HRH2: variants seen among roughly 807,000 people sequenced by gnomAD.
The protein encoded by HRH2 is histamine H2 receptor.
HRH2 carries 4 observed loss-of-function variants against 20.1 expected under a neutral mutation model. That is an observed-to-expected ratio of 0.20 (90% CI 0.10 to 0.45). The LOEUF (loss-of-function observed/expected upper bound fraction) is 0.45. HRH2 is among the 20% of genes least tolerant of loss of function. HRH2 has a pLI of 0.99. For synonymous variants in HRH2, 197 were observed against 200.7 expected, an observed-to-expected ratio of 0.98 and a Z score of 0.16; for missense variants, 250 against 461.6, an observed-to-expected ratio of 0.54 and a Z score of 4.20.
At chr5:175,703,248 A>C (rs1756847138) in intron 2 of HRH2, among the ~76,000 whole-genome samples, 2 of 152,238 alleles carry the variant, frequency 1.3e-5, no homozygotes, top group Non-Finnish European at 2.9e-5. Context: ...TGCTTCATAC[A>C]GAACAATTAT....
chr5:175,706,148 A>T (rs1756937157), intron 2 of HRH2, among the ~76,000 whole-genome samples: 4 of 152,254 alleles, frequency 2.6e-5, no homozygotes, highest in Non-Finnish European at 5.9e-5. Context: ...GTTTAGGGAT[A>T]CAGAAATATT....
At chr5:175,705,172 TA>T (rs553960557) in intron 2 of HRH2, among the ~76,000 whole-genome samples, 91 of 152,324 alleles carry the variant, frequency 6.0e-4, no homozygotes, top group African/African-American at 2.1e-3. Flanking sequence ...AGTGTTCTCA[TA>T]GAAATGGACA....
chr5:175,700,073 G>A (rs1321187599), intron 2 of HRH2, among the ~76,000 whole-genome samples: 1 of 152,210 alleles, frequency 6.6e-6, no homozygotes, highest in Admixed American at 6.5e-5. Flanking sequence ...AGCAGGGGAT[G>A]AGGAAGGCTC....
In HRH2 at chr5:175,687,917, T is replaced by G. The variant is rs114089076; in HGVS notation, c.1076+3608T>G. On this transcript the variant is annotated intron_variant, in intron 2 of 2. Coordinates refer to ENST00000636584, the MANE Select transcript of HRH2 (RefSeq NM_001367711.1). The surrounding 1 kb of genome is among the most constrained non-coding windows in gnomAD (Gnocchi z 5.2). The stretch of plus-strand genomic sequence containing the variant: ...TAGTGGCCAAACACAACACACGTTA[T>G]TCCGTTGCAGTTCAGGAGGCCAGAT... Among the ~76,000 whole-genome samples the G allele has an allele frequency of 0.015, 2,274 of 152,320 alleles. 59 individuals carry two copies. The highest frequency in any genetic ancestry group is 0.052 in the African/African-American group (2,167 of 41,574).
At chr5:175,692,156 GC>G (rs1756404879) in intron 2 of HRH2, among the ~76,000 whole-genome samples, 1 of 152,236 alleles carries the variant, frequency 6.6e-6, no homozygotes, top group Non-Finnish European at 1.5e-5. Context: ...AGGCTGTGCA[GC>G]CCATTCAATC....
At chr5:175,701,214 C>A (rs1488902113) in intron 2 of HRH2, among the ~76,000 whole-genome samples, 1 of 152,180 alleles carries the variant, frequency 6.6e-6, no homozygotes, top group African/African-American at 2.4e-5. Flanking sequence ...TGGGTCCTGT[C>A]CCCTGGTGGC....
At chr5:175,690,594 A>G (rs1018910921) in intron 2 of HRH2, among the ~76,000 whole-genome samples, 4 of 151,996 alleles carry the variant, frequency 2.6e-5, no homozygotes, top group Non-Finnish European at 5.9e-5. Context: ...TAACAGTTTT[A>G]TCAAGCTACA....
intron 1 of HRH2, among the ~76,000 whole-genome samples, chr5:175,659,084 C>T (rs1324557914): frequency 1.3e-5 from 2 of 152,080 alleles, no homozygotes; most frequent in Non-Finnish European, 2.9e-5. Flanking sequence ...GAGGGTCAAT[C>T]GGTGAAGCTG....
intron 2 of HRH2, among the ~76,000 whole-genome samples, chr5:175,706,903 G>A (rs1257438472): frequency 6.6e-6 from 1 of 152,176 alleles, no homozygotes; most frequent in African/African-American, 2.4e-5. Flanking sequence ...GGAGCAGTAC[G>A]CTTGATTCCC....
intron 1 of HRH2, among the ~76,000 whole-genome samples, chr5:175,666,721 C>T (rs1299519278): frequency 6.6e-6 from 1 of 152,184 alleles, no homozygotes; most frequent in African/African-American, 2.4e-5. Context: ...TGAGCCACTG[C>T]GCCCGGCCTC....
At chr5:175,666,425 A>G (rs1167740570) in intron 1 of HRH2, among the ~76,000 whole-genome samples, 1 of 152,048 alleles carries the variant, frequency 6.6e-6, no homozygotes, top group African/African-American at 2.4e-5. Flanking sequence ...ACTCAGGCGC[A>G]GATTCCTTTT....
chr5:175,698,588 C>T (rs1291123383), intron 2 of HRH2, among the ~76,000 whole-genome samples: 1 of 152,222 alleles, frequency 6.6e-6, no homozygotes, highest in Non-Finnish European at 1.5e-5. Context: ...ATTCATTCAC[C>T]AGCAAATCCA....
chr5:175,701,356 G>T (rs955499504), intron 2 of HRH2, among the ~76,000 whole-genome samples: 1 of 152,216 alleles, frequency 6.6e-6, no homozygotes, highest in African/African-American at 2.4e-5. Flanking sequence ...GATGGGGTTT[G>T]GGAGATAGGT....
chr5:175,694,716 C>G (rs76399434), intron 2 of HRH2, among the ~76,000 whole-genome samples: 3 of 152,176 alleles, frequency 2.0e-5, no homozygotes, highest in African/African-American at 7.2e-5. Flanking sequence ...TCTGAGACAG[C>G]CTTGTTCTGA....
chr5:175,667,017 C>CATAT (rs143167989), intron 1 of HRH2, among the ~76,000 whole-genome samples: 19 of 150,400 alleles, frequency 1.3e-4, no homozygotes, highest in African/African-American at 3.9e-4. Flanking sequence ...CAAATAAAGG[C>CATAT]ATATATATAT....
chr5:175,682,234 T>A (rs960499798), intron 1 of HRH2, among the ~76,000 whole-genome samples: 1 of 152,238 alleles, frequency 6.6e-6, no homozygotes, highest in Non-Finnish European at 1.5e-5. Context: ...CCTTAGAGTA[T>A]GATGACATTT....
chr5:175,685,383 T>G (rs1327835138), intron 2 of HRH2: 4 of 1,541,608 alleles, frequency 2.6e-6, no homozygotes, highest in Non-Finnish European at 3.5e-6. Flanking sequence ...GCTCAATAAA[T>G]GTTGCTTTCC....
Position 175,663,392 on chromosome 5 carries a change from T to C in HRH2, c.-526+5237T>C, listed in dbSNP as rs182139035. On this transcript the variant is annotated intron_variant, in intron 1 of 2. Transcript: ENST00000636584. ...CGTGTCATTGTGGTTTCGGTTTACA[T>C]TTCCCTGAGGGCTAATGACTTTGAG... 6.6e-5 allele frequency among the ~76,000 whole-genome samples: 10 copies of C among 152,338 alleles called. No homozygotes were observed. The East Asian group carries it at 1.9e-3, about 29-fold the overall frequency.
At chr5:175,707,147 A>G (rs1270083949) in intron 2 of HRH2, among the ~76,000 whole-genome samples, 1 of 152,192 alleles carries the variant, frequency 6.6e-6, no homozygotes, top group Non-Finnish European at 1.5e-5. Context: ...TGAGGGCTGC[A>G]AGCAGTGGCT....
Sources: allele counts gnomAD v4.1 joint callset (sites outside exome capture counted in the v4.1 genomes callset), GRCh38; gene constraint gnomAD v4.1.1; non-coding constraint Gnocchi (gnomAD v3.1); transcripts MANE v1.5; gene names NCBI Gene and HGNC (gene_info 2026-07-23, HGNC 2026-07-21).